COL22A1: variants seen among roughly 807,000 people sequenced by gnomAD.
COL22A1 encodes collagen alpha-1(XXII) chain.
COL22A1 carries 221 observed loss-of-function variants against 248.9 expected under a neutral mutation model. The ratio of observed to expected loss-of-function variants is 0.89; its 90% confidence interval spans 0.80 to 0.99. The LOEUF (loss-of-function observed/expected upper bound fraction) is 0.99, where lower values mean the gene tolerates loss of function less well. Ranked by LOEUF, COL22A1 falls within the 50% of genes least tolerant of loss-of-function variation. The pLI is 0.00. For synonymous variants in COL22A1, 891 were observed against 793.4 expected (o/e 1.12, Z -2.07); for missense variants, 2,240 against 2,179.0 (o/e 1.03, Z -0.56).
intron 3 of COL22A1, among the ~76,000 whole-genome samples, chr8:138,853,076 T>C (rs1180935454): frequency 6.6e-6 from 1 of 151,974 alleles, no homozygotes; most frequent in Non-Finnish European, 1.5e-5. Flanking sequence ...CCCGGGAGCC[T>C]GAGGCAGAGA....
At chr8:138,599,895 G>C (rs1000880121) in intron 60 of COL22A1, among the ~76,000 whole-genome samples, 2 of 152,196 alleles carry the variant, frequency 1.3e-5, no homozygotes, top group Non-Finnish European at 2.9e-5. Flanking sequence ...GCCTGGAGAA[G>C]GCTGGCCCTG....
chr8:138,786,292 T>C (rs1304462718), intron 12 of COL22A1, among the ~76,000 whole-genome samples: 1 of 152,190 alleles, frequency 6.6e-6, no homozygotes, highest in Non-Finnish European at 1.5e-5. Flanking sequence ...AGTGAATATG[T>C]TCTGAGTCAG....
At chr8:138,743,002 G>A (rs1209494033) in intron 22 of COL22A1, among the ~76,000 whole-genome samples, 4 of 151,608 alleles carry the variant, frequency 2.6e-5, no homozygotes, top group African/African-American at 7.3e-5. Context: ...AGTTGATGAT[G>A]ATGGTAGTAG....
At chr8:138,608,650 A>T (rs1186793560) in intron 56 of COL22A1, among the ~76,000 whole-genome samples, 1 of 152,208 alleles carries the variant, frequency 6.6e-6, no homozygotes, top group Non-Finnish European at 1.5e-5. Context: ...AACAAACAGG[A>T]TCCCAGTAGA....
At position 138,700,035 on chromosome 8, in the gene COL22A1, C is replaced by A; in HGVS notation, c.2592+77G>T. ...GGCTGAGTCCTCACCCCACCCAGTC[C>A]AGGCTCCCAGGCCACACTGGACATT... On this transcript the variant is annotated intron_variant, in intron 32 of 64. Transcript: ENST00000303045. 7 of 1,409,284 alleles carry A rather than the reference C, an allele frequency of 5.0e-6. 1 individual carries two copies. The South Asian group carries it at 6.0e-5, about 12-fold the overall frequency. The allele number at this position is 1,409,284 out of a possible 1,614,324, so 87.3% of individuals were successfully genotyped here. A position where few individuals can be genotyped will look rare whatever the true frequency, so the allele number is the denominator to read the frequency against.
At chr8:138,886,903 A>AT (rs1713781296) in intron 1 of COL22A1, among the ~76,000 whole-genome samples, 2 of 151,754 alleles carry the variant, frequency 1.3e-5, no homozygotes, top group Admixed American at 6.6e-5. Flanking sequence ...ATATACATAT[A>AT]TTTTTTTACT....
intron 59 of COL22A1, among the ~76,000 whole-genome samples, chr8:138,602,896 T>C (rs1424989038): frequency 1.3e-5 from 2 of 152,258 alleles, no homozygotes; most frequent in Non-Finnish European, 2.9e-5. Flanking sequence ...GTTACTTTCC[T>C]GCCAGCTGAC....
chr8:138,655,942 G>A lies in COL22A1; in HGVS notation c.3288C>T (p.Gly1096=), dbSNP rs1823216598. The change falls in exon 45 of 65, where the codon GGC becomes GGT. Residue 1096 remains glycine (G), a splice_region_variant and synonymous_variant. Transcript: ENST00000303045. ...PGERGPPGKP[G]LSSLLSPGDI... is the part of the protein sequence containing the mutation. ...CCCCTGGAGACAGTAGTGAAGAGAG[G>A]CCCTGTCAAAATAAAAAGAAACAAA... The A allele has an allele frequency of 6.2e-7, 1 of 1,610,660 alleles. No individual in the cohort carries two copies. Among genetic ancestry groups the A allele is most frequent in the African/African-American group, 1.3e-5 (1 of 74,776 alleles).
chr8:138,604,887 T>C, intron 58 of COL22A1, 118 bp from the exon 59 acceptor site: 1 of 923,974 alleles, frequency 1.1e-6, no homozygotes, highest in Non-Finnish European at 1.7e-6. Flanking sequence ...CAACAATCGA[T>C]GGTCTACCTG....
At chr8:138,701,644 C>A (rs549116676) in intron 31 of COL22A1, among the ~76,000 whole-genome samples, 1 of 152,344 alleles carries the variant, frequency 6.6e-6, no homozygotes, top group Non-Finnish European at 1.5e-5. Context: ...GAGGCCTTCA[C>A]TCATGTGGTC....
At chr8:138,838,871 G>A (rs1820647104) in intron 4 of COL22A1, among the ~76,000 whole-genome samples, 1 of 152,140 alleles carries the variant, frequency 6.6e-6, no homozygotes, top group African/African-American at 2.4e-5. Context: ...CTTAGTGATG[G>A]CCCAGGTCAC....
chr8:138,862,131 T>C (rs1244439396), intron 3 of COL22A1, among the ~76,000 whole-genome samples: 2 of 151,396 alleles, frequency 1.3e-5, no homozygotes, highest in Admixed American at 1.3e-4. Flanking sequence ...GGCAGGAGAA[T>C]TGCTTGAACC....
At chr8:138,833,857 G>A (rs1391544497) in intron 4 of COL22A1, among the ~76,000 whole-genome samples, 1 of 152,132 alleles carries the variant, frequency 6.6e-6, no homozygotes, top group Non-Finnish European at 1.5e-5. Context: ...ATGTGACACT[G>A]GGCAAGCTAC....
intron 25 of COL22A1, among the ~76,000 whole-genome samples, chr8:138,723,560 C>A (rs1457560715): frequency 6.6e-6 from 1 of 152,208 alleles, no homozygotes; most frequent in Non-Finnish European, 1.5e-5. Context: ...TTCTGATGAG[C>A]CCTTTGGATC....
chr8:138,724,162 T>A (rs1830117289), intron 25 of COL22A1, among the ~76,000 whole-genome samples: 2 of 152,042 alleles, frequency 1.3e-5, no homozygotes, highest in Admixed American at 1.3e-4. Flanking sequence ...TTTTCTAAGC[T>A]CCACCTGCCC....
At chr8:138,670,200 T>C (rs1378793119) in intron 41 of COL22A1, among the ~76,000 whole-genome samples, 3 of 152,194 alleles carry the variant, frequency 2.0e-5, no homozygotes, top group Non-Finnish European at 2.9e-5. Context: ...TGAGACTTTA[T>C]ATAAAAACCA....
intron 22 of COL22A1, among the ~76,000 whole-genome samples, chr8:138,749,139 T>A (rs955481935): frequency 6.6e-6 from 1 of 152,186 alleles, no homozygotes; most frequent in Non-Finnish European, 1.5e-5. Flanking sequence ...AAACTGTGAG[T>A]CCATTCACCT....
intron 32 of COL22A1, among the ~76,000 whole-genome samples, chr8:138,699,478 C>G (rs181671535): frequency 4.6e-5 from 7 of 152,354 alleles, no homozygotes; most frequent in Non-Finnish European, 1.0e-4. Context: ...TGTTTTCTGG[C>G]TTCAGCCTAC....
chr8:138,776,191 G>C (rs1814440746), intron 15 of COL22A1, among the ~76,000 whole-genome samples, 181 bp from the exon 16 acceptor site: 1 of 152,160 alleles, frequency 6.6e-6, no homozygotes, highest in African/African-American at 2.4e-5. Flanking sequence ...GTGTCGTCTG[G>C]GCCTGGGCAG....
Sources: allele counts gnomAD v4.1 joint callset (sites outside exome capture counted in the v4.1 genomes callset), GRCh38; gene constraint gnomAD v4.1.1; transcripts MANE v1.5; gene names NCBI Gene and HGNC (gene_info 2026-07-23, HGNC 2026-07-21).